Variants in MBNL2 observed in about 807,000 individuals in gnomAD.
MBNL2 encodes the protein muscleblind-like protein 2.
MBNL2 carries 17 observed loss-of-function variants against 41.9 expected under a neutral mutation model. The ratio of observed to expected loss-of-function variants is 0.41; its 90% CI spans 0.28 to 0.61. The LOEUF is 0.61. Ranked by LOEUF, MBNL2 falls within the 20% of genes least tolerant of loss-of-function variation. MBNL2 has a pLI of 0.35. For missense variants in MBNL2, 336 were observed against 505.6 expected, an observed-to-expected ratio of 0.66 and a Z score of 3.22; for synonymous variants, 195 against 182.9, an observed-to-expected ratio of 1.07 and a Z score of -0.53.
At chr13:97,201,854 C>A in the MBNL2 span, among the ~76,000 whole-genome samples, 9 of 152,158 alleles carry the variant, frequency 5.9e-5, no homozygotes, top group Non-Finnish European at 8.8e-5. Context: ...GCCTAAGCAA[C>A]TTGCATGCAA....
At chr13:97,175,392 A>G in the MBNL2 span, among the ~76,000 whole-genome samples, 1 of 152,118 alleles carries the variant, frequency 6.6e-6, no homozygotes, top group Non-Finnish European at 1.5e-5. Context: ...TGAACTGACC[A>G]AGTGATCCTA....
chr13:97,288,531 C>T (rs2055130566), intron 2 of MBNL2, among the ~76,000 whole-genome samples: 1 of 152,150 alleles, frequency 6.6e-6, no homozygotes, highest in Non-Finnish European at 1.5e-5. Context: ...TGAGAGAAGC[C>T]AGCGGAAAAT....
At chr13:97,331,160 A>G (rs766916300) in intron 2 of MBNL2, among the ~76,000 whole-genome samples, 46 of 152,354 alleles carry the variant, frequency 3.0e-4, no homozygotes, top group Middle Eastern at 3.4e-3. Flanking sequence ...AGAAACATTT[A>G]TCTTTCTTTT....
chr13:97,377,492 A>G (rs1385332442), intron 8 of MBNL2, among the ~76,000 whole-genome samples: 1 of 152,236 alleles, frequency 6.6e-6, no homozygotes, highest in Non-Finnish European at 1.5e-5. Context: ...AATTTAGAAC[A>G]GTTTTTGAGG....
chr13:97,219,033 C>T (rs9513221), upstream of MBNL2, among the ~76,000 whole-genome samples: 24,896 of 151,950 alleles, frequency 0.16, 2,646 homozygotes, highest in African/African-American at 0.3. Context: ...AAACAACATC[C>T]ATAAACATTT....
intron 1 of MBNL2, among the ~76,000 whole-genome samples, chr13:97,247,474 C>G (rs2045692816): frequency 6.6e-6 from 1 of 152,184 alleles, no homozygotes; most frequent in South Asian, 2.1e-4. Flanking sequence ...GATGGCTAAA[C>G]ATGAACCCCG....
intron 1 of MBNL2, among the ~76,000 whole-genome samples, chr13:97,240,306 C>G (rs57003068): frequency 0.011 from 1,638 of 152,340 alleles, 41 homozygotes; most frequent in African/African-American, 0.036. Context: ...CAACTTCAGG[C>G]AGATTTTGAC....
chr13:97,164,977 G>T, the MBNL2 span, among the ~76,000 whole-genome samples: 233 of 152,324 alleles, frequency 1.5e-3, 1 homozygote, highest in African/African-American at 5.5e-3. Context: ...GGCCGAGGTG[G>T]CGGATCACTT....
At chr13:97,155,694 A>G in the MBNL2 span, among the ~76,000 whole-genome samples, 1 of 151,582 alleles carries the variant, frequency 6.6e-6, no homozygotes, top group East Asian at 1.9e-4. Flanking sequence ...ATGGTTTCCA[A>G]TTTCATCCAT....
chr13:97,244,784 A>T (rs564516003), intron 1 of MBNL2, among the ~76,000 whole-genome samples: 2 of 152,320 alleles, frequency 1.3e-5, no homozygotes, highest in Non-Finnish European at 2.9e-5. Context: ...TCTGGGTGAG[A>T]GATACACCAG....
At chr13:97,285,083 TAGTC>T (rs1233053917) in intron 2 of MBNL2, among the ~76,000 whole-genome samples, 26 of 152,298 alleles carry the variant, frequency 1.7e-4, no homozygotes, top group African/African-American at 3.1e-4. Flanking sequence ...AAAATGAAAA[TAGTC>T]AGCATTTTGT....
intron 1 of MBNL2, among the ~76,000 whole-genome samples, chr13:97,256,600 A>C (rs887934213): frequency 6.6e-6 from 1 of 152,198 alleles, no homozygotes; most frequent in African/African-American, 2.4e-5. Context: ...GTAATGTTGC[A>C]ATCTTCTTAC....
chr13:97,354,831 A>C (rs1318858515), intron 5 of MBNL2, among the ~76,000 whole-genome samples: 1 of 152,196 alleles, frequency 6.6e-6, no homozygotes, highest in East Asian at 1.9e-4. Context: ...TTCTGTAAAT[A>C]CTTAGGACTG....
chr13:97,381,972 T>C (rs963315155), intron 8 of MBNL2, among the ~76,000 whole-genome samples: 2 of 152,156 alleles, frequency 1.3e-5, no homozygotes, highest in Non-Finnish European at 2.9e-5. Context: ...ATAAAAATGT[T>C]TTCTCAGATT....
rs1283371637 is a variant in MBNL2 at position 97,233,175 on chromosome 13, A to C, written c.-605+10644A>C. On this transcript the variant is annotated intron_variant, in intron 1 of 8. Coordinates refer to ENST00000679496, the MANE Select transcript of MBNL2 (RefSeq NM_001382683.1). ...TATATATATATATATATATATATAT[A>C]TCTTTTTATTATACTTTAAGTTCTA... 6.6e-4 allele frequency among the ~76,000 whole-genome samples: 62 copies of C among 94,086 alleles called. 1 individual carries two copies. Among genetic ancestry groups the C allele is most frequent in the African/African-American group, 2.0e-3 (48 of 23,714 alleles). 61.7% of individuals were successfully genotyped at this position (94,086 alleles called of 152,430 possible). A position where few individuals can be genotyped will look rare whatever the true frequency, so the allele number is the denominator to read the frequency against.
In MBNL2 at chr13:97,392,794, T is replaced by C. The variant is rs1175335376; in HGVS notation, c.*1345T>C. ...TACCTACATAGTTTTTAAATTATTG[T>C]TTAAAAAACAAAACAGCTGTTATAA... On this transcript the variant is annotated 3_prime_UTR_variant, in exon 9 of 9. Transcript: ENST00000679496. The C allele has an allele frequency of 6.6e-6, 1 of 152,464 alleles. No homozygotes were observed. The highest frequency in any genetic ancestry group is 1.5e-5 in the Non-Finnish European group (1 of 67,918). The allele number at this position is 152,464 out of a possible 1,614,324, so 9.4% of individuals were successfully genotyped here.
the MBNL2 span, among the ~76,000 whole-genome samples, chr13:97,143,655 T>A: frequency 6.6e-6 from 1 of 152,380 alleles, no homozygotes; most frequent in East Asian, 1.9e-4. Flanking sequence ...GATTTCCGTA[T>A]AATTTTACAA....
chr13:97,362,790 C>T (rs1309218839), intron 7 of MBNL2, among the ~76,000 whole-genome samples: 1 of 152,088 alleles, frequency 6.6e-6, no homozygotes, highest in Non-Finnish European at 1.5e-5. Flanking sequence ...ATCACATAGC[C>T]AGCCTAGAGA....
upstream of MBNL2, among the ~76,000 whole-genome samples, chr13:97,218,442 A>AAAACAAAAC (rs2040586965): frequency 1.4e-5 from 2 of 145,594 alleles, 1 homozygote; most frequent in African/African-American, 5.3e-5. Flanking sequence ...AAACAAAACA[A>AAAACAAAAC]AAAAAAAAAA....
Sources: allele counts gnomAD v4.1 joint callset (sites outside exome capture counted in the v4.1 genomes callset), GRCh38; gene constraint gnomAD v4.1.1; transcripts MANE v1.5; gene names NCBI Gene and HGNC (gene_info 2026-07-23, HGNC 2026-07-21).